The following ATP8B3 variants were observed in gnomAD, a reference collection of about 807,000 sequenced individuals.
ATP8B3 encodes the protein ATPase phospholipid transporting 8B3, also known as phospholipid-transporting ATPase IK.
In ATP8B3, 141 loss-of-function variants were observed where a neutral mutation model predicts 140.9. That is an observed-to-expected ratio of 1.00 (90% CI 0.87 to 1.15). ATP8B3 has a LOEUF of 1.15. Ranked by LOEUF, ATP8B3 falls within the 50% of genes most tolerant of loss-of-function variation. ATP8B3 has a pLI of 0.00. For missense variants in ATP8B3, 1,874 were observed against 1,740.6 expected, an observed-to-expected ratio of 1.08 and a Z score of -1.36; for synonymous variants, 765 against 714.6, an observed-to-expected ratio of 1.07 and a Z score of -1.13.
rs563171738 is a variant in ATP8B3, at chr19:1,788,669, C to G, written c.3069+228G>C. On this transcript the variant is annotated intron_variant, in intron 24 of 28. Transcript: ENST00000310127. Reference sequence around the variant, plus strand: ...TGTCTCAAAACAAAACAAAACGAAACAAATATCCTGGAAGGTGTTGGGCAC... The same window carrying G: ...TGTCTCAAAACAAAACAAAACGAAAGAAATATCCTGGAAGGTGTTGGGCAC... Among the ~76,000 whole-genome samples the G allele has an allele frequency of 7.0e-4, 106 of 152,248 alleles. 1 individual carries two copies. The highest frequency in any genetic ancestry group is 2.4e-3 in the African/African-American group (100 of 41,548).
intron 20 of ATP8B3, 82 bp from the exon 21 acceptor site, chr19:1,790,914 T>C (rs2068488369): frequency 8.6e-7 from 1 of 1,168,930 alleles, no homozygotes; most frequent in African/African-American, 1.6e-5. Context: ...GCCCGGTGAA[T>C]CCTGGCCCGA....
intron 18 of ATP8B3, 129 bp downstream of exon 18, chr19:1,795,746 G>A (rs775103985): frequency 1.6e-5 from 15 of 913,052 alleles, no homozygotes; most frequent in South Asian, 3.1e-5. Flanking sequence ...CCATTTCTCC[G>A]TACAGTCTCC....
At position 1,782,519 on chromosome 19, in the gene ATP8B3, G is replaced by A. The variant is rs992501164; in HGVS notation, c.*509C>T. 3 of 198,432 alleles carry A rather than the reference G, an allele frequency of 1.5e-5. No individual in the cohort carries two copies. The Admixed American group carries it at 1.7e-4, about 11-fold the overall frequency. The allele number at this position is 198,432 out of a possible 1,614,324, so 12.3% of individuals were successfully genotyped here. A position where few individuals can be genotyped will look rare whatever the true frequency, so the allele number is the denominator to read the frequency against. ...AGATTTGTGGGTCTTGTCTGGAAGT[G>A]GCACCGTCCCCTCCTTGGGGGTGTG... On this transcript the variant is annotated 3_prime_UTR_variant, in exon 29 of 29. Coordinates refer to ENST00000310127, the MANE Select transcript of ATP8B3 (RefSeq NM_138813.4).
Position 1,808,263 on chromosome 19 carries a change from G to A in ATP8B3, c.475C>T (p.Arg159Cys), listed in dbSNP as rs369271081. Residue 159 changes from arginine to cysteine, a missense_variant, in exon 5 of 29, where the codon CGC (arginine) becomes TGC (cysteine). Around this residue, in one of 3 missense-constraint regions of ATP8B3, gnomAD observed 1,032 missense variants for 963.6 expected, o/e 1.07. Transcript: ENST00000310127. The stretch of plus-strand genomic sequence containing the variant: ...ATGAGGAAGAACAGGTTGGACACGC[G>A]GTGGAACTGCTCGTACAGGTTCAGC... ...LPLNLYEQFHRVSNLFFLIII... is the reference protein window; with the variant it reads ...LPLNLYEQFHCVSNLFFLIII... 3.0e-5 allele frequency: 49 copies of A among 1,613,020 alleles called. 1 individual carries two copies. In the African/African-American group the frequency reaches 4.3e-4, roughly 14 times the overall value.
intron 24 of ATP8B3, among the ~76,000 whole-genome samples, chr19:1,787,661 G>A (rs142029445): frequency 0.017 from 2,481 of 146,984 alleles, 52 homozygotes; most frequent in African/African-American, 0.056. Context: ...CCCAGGAGAC[G>A]GAGGTTGCAG....
chr19:1,791,452 A>T (rs2068508200), intron 20 of ATP8B3, among the ~76,000 whole-genome samples: 1 of 150,026 alleles, frequency 6.7e-6, no homozygotes, highest in African/African-American at 2.5e-5. Context: ...CAATGGTGCG[A>T]TCTTGGCTCA....
chr19:1,790,829 G>C lies in ATP8B3; in HGVS notation c.2306C>G (p.Thr769Arg), dbSNP rs1010930734. 1 of 1,598,044 alleles carries C rather than the reference G, an allele frequency of 6.3e-7. No homozygotes were observed. The highest frequency in any genetic ancestry group is 8.5e-7 in the Non-Finnish European group (1 of 1,173,928). Residue 769 changes from threonine to arginine, a missense_variant, in exon 21 of 29, where the codon ACG becomes AGG. By Grantham distance (71) the Thr-to-Arg change is moderately conservative (BLOSUM62 -1). This residue lies in a region of ATP8B3 where 840 missense variants were observed against 760.9 expected (regional missense o/e 1.10). Coordinates refer to ENST00000310127, the MANE Select transcript of ATP8B3 (RefSeq NM_138813.4). ...GCAGGCGAAGCCGATGTTCACAGCC[G>C]TTTCTGCGAAGCAGACCAGCTCAGC... ...IWVLTGDKQETAVNIGFACEL... is the reference protein window; with the variant it reads ...IWVLTGDKQERAVNIGFACEL...
At chr19:1,801,340 G>C (rs973237511) in intron 12 of ATP8B3, among the ~76,000 whole-genome samples, 1 of 152,014 alleles carries the variant, frequency 6.6e-6, no homozygotes, top group African/African-American at 2.4e-5. Flanking sequence ...CTGTAGAGAC[G>C]GGGTTTCACC....
intron 10 of ATP8B3, among the ~76,000 whole-genome samples, chr19:1,804,216 G>A (rs892127758): frequency 6.6e-5 from 10 of 152,264 alleles, no homozygotes; most frequent in African/African-American, 1.2e-4. Flanking sequence ...CAAGCAGGCC[G>A]GGTGTGGTGG....
intron 3 of ATP8B3, among the ~76,000 whole-genome samples, chr19:1,810,325 G>A (rs1321528558): frequency 1.3e-5 from 2 of 152,066 alleles, no homozygotes; most frequent in South Asian, 2.1e-4. Flanking sequence ...TAGCACAATC[G>A]CAGCTCACTG....
At chr19:1,787,894 T>C (rs1326055876) in intron 24 of ATP8B3, among the ~76,000 whole-genome samples, 1 of 151,574 alleles carries the variant, frequency 6.6e-6, no homozygotes, top group Non-Finnish European at 1.5e-5. Context: ...ATATAAAAAT[T>C]AGCCAGGCAT....
In ATP8B3 at chr19:1,785,696, C is replaced by T; in HGVS notation, c.3166G>A (p.Glu1056Lys). 6.2e-7 allele frequency: 1 copy of T among 1,605,016 alleles called. No individual in the cohort carries two copies. The highest frequency in any genetic ancestry group is 8.5e-7 in the Non-Finnish European group (1 of 1,176,188). ...IGLFEQDVSAEQSLEKPELYV... is the reference protein window; with the variant it reads ...IGLFEQDVSAKQSLEKPELYV... ...AGCTCCGGCTTCTCCAGGCTCTGCTCTGCGCTCACGTCCTTGGGGCAAGCA... is the reference window on the plus strand; with the variant it reads ...AGCTCCGGCTTCTCCAGGCTCTGCTTTGCGCTCACGTCCTTGGGGCAAGCA... Residue 1056 changes from glutamate (E) to lysine (K), a missense_variant, in exon 26 of 29, where the codon GAG becomes AAG. Transcript: ENST00000310127.
At position 1,811,783 on chromosome 19, in the gene ATP8B3, C is replaced by G; in HGVS notation, c.-47G>C. ...GGTTCAGGGCGAAGAGGGGTTTAGG[C>G]TGTGGGACGGGGGAGAGGTGGGGGA... On this transcript the variant is annotated 5_prime_UTR_variant, in exon 2 of 29. Transcript: ENST00000310127. The G allele has an allele frequency of 1.3e-6, 2 of 1,529,574 alleles. No individual in the cohort carries two copies. The highest frequency in any genetic ancestry group is 2.5e-5 in the South Asian group (2 of 79,536). The allele number at this position is 1,529,574 out of a possible 1,614,324, so 94.8% of individuals were successfully genotyped here.
In ATP8B3 at chr19:1,800,023, G is replaced by A. The variant is rs774029132; in HGVS notation, c.1476C>T (p.Ile492=). Residue 492 remains isoleucine (I), a synonymous_variant, in exon 14 of 29, where the codon ATC becomes ATT. Coordinates refer to ENST00000310127, the MANE Select transcript of ATP8B3 (RefSeq NM_138813.4). The surrounding 1 kb of genome is among the most constrained non-coding windows in gnomAD (Gnocchi z 4.4). The part of the protein sequence containing the change: ...LNDHLGQVEY[I]FSDKTGTLTQ... ...TGAGCGTGCCCGTCTTGTCCGAGAA[G>A]ATGTATTCCACCTGGCCCAGGTGGT... The A allele has an allele frequency of 1.9e-5, 30 of 1,605,758 alleles. No individual in the cohort carries two copies. In the Admixed American group the frequency reaches 5.1e-4, roughly 27 times the overall value.
rs2069037098 is a variant in ATP8B3, at chr19:1,806,799, T to C, written c.616-110A>G. On this transcript the variant is annotated intron_variant, in intron 6 of 28. Transcript: ENST00000310127. This position sits in a 1 kb window ranked among gnomAD's most constrained non-coding sequence, Gnocchi z 5.6. ...GCCCGCCCGCAACACGGGGTCCCTG[T>C]CCGCTGGCCCCACGCCACGTTGCGT... 4 of 1,229,780 alleles carry C rather than the reference T, an allele frequency of 3.3e-6. No individual in the cohort carries two copies. The African/African-American group carries it at 6.0e-5, about 18-fold the overall frequency. 76.2% of individuals were successfully genotyped at this position (1,229,780 alleles called of 1,614,324 possible).
intron 23 of ATP8B3, 53 bp downstream of exon 23, chr19:1,789,308 T>A: frequency 8.7e-7 from 1 of 1,144,054 alleles, no homozygotes; most frequent in East Asian, 3.9e-5. Flanking sequence ...ACCGCCTCCG[T>A]CAGCCGCCCC....
rs749946125 is a variant in ATP8B3, at chr19:1,789,743, G to A, written c.2479-16C>T. ...GCAGTTTGTCCTGGCCGGCGGGGAGGGGGCTGTGCCAGGCGCCGTGGCCTC... is the reference window on the plus strand; with the variant it reads ...GCAGTTTGTCCTGGCCGGCGGGGAGAGGGCTGTGCCAGGCGCCGTGGCCTC... On this transcript the variant is annotated splice_polypyrimidine_tract_variant and intron_variant, in intron 22 of 28. Coordinates refer to ENST00000310127, the MANE Select transcript of ATP8B3 (RefSeq NM_138813.4). 1.9e-6 allele frequency: 3 copies of A among 1,544,882 alleles called. No homozygotes were observed. Among genetic ancestry groups the A allele is most frequent in the East Asian group, 4.5e-5 (2 of 44,168 alleles).
Position 1,810,612 on chromosome 19 carries a change from G to A in ATP8B3, c.310+10C>T. ...CCACCTGCACCGCCCCCTCTGCCCA[G>A]GATCAGCACCTGAGTTCCTGTCCTC... On this transcript the variant is annotated intron_variant, in intron 3 of 28. Transcript: ENST00000310127. 6.2e-7 allele frequency: 1 copy of A among 1,612,226 alleles called. No homozygotes were observed.
In ATP8B3 at chr19:1,807,433, C is replaced by T. The variant is rs543287731; in HGVS notation, c.517-167G>A. Among the ~76,000 whole-genome samples the T allele has an allele frequency of 6.6e-6, 1 of 152,258 alleles. No individual in the cohort carries two copies. The highest frequency in any genetic ancestry group is 2.1e-4 in the South Asian group (1 of 4,824). ...AACCCCCAGCCCTCGGGACAAACGC[C>T]CCGGCATCCCTCCACCTGCCTGGAA... On this transcript the variant is annotated intron_variant, in intron 5 of 28. Coordinates refer to ENST00000310127, the MANE Select transcript of ATP8B3 (RefSeq NM_138813.4). The surrounding 1 kb of genome is among the most constrained non-coding windows in gnomAD (Gnocchi z 5.9).
Sources: gnomAD v4.1 joint callset for allele counts (sites outside exome capture counted in the v4.1 genomes callset) on GRCh38, gnomAD v4.1.1 for gene constraint, gnomAD v4.1.1 regional missense constraint, Gnocchi (gnomAD v3.1) non-coding constraint, MANE v1.5 for transcripts, NCBI Gene and HGNC (gene_info 2026-07-23, HGNC 2026-07-21) for gene names.